The following POLA1 variants were observed in gnomAD, a reference collection of about 807,000 sequenced individuals.
POLA1 encodes DNA polymerase alpha catalytic subunit.
A neutral mutation model predicts 124.0 loss-of-function variants in POLA1; 15 were observed. The ratio of observed to expected loss-of-function variants is 0.12; its 90% CI spans 0.08 to 0.19. The LOEUF (loss-of-function observed/expected upper bound fraction) is 0.19, where lower values mean the gene tolerates loss of function less well. Ranked by LOEUF, POLA1 falls within the 10% of genes least tolerant of loss-of-function variation. The probability of loss-of-function intolerance (pLI) is 1.00; values close to 1 mark genes in which losing one functional copy is unlikely to be tolerated. For synonymous variants in POLA1, 408 were observed against 389.4 expected, an observed-to-expected ratio of 1.05 and a Z score of -0.56; for missense variants, 886 against 1,103.4, an observed-to-expected ratio of 0.80 and a Z score of 2.79.
At chrX:24,902,341 A>G (rs1368326557) in intron 35 of POLA1, among the ~76,000 whole-genome samples, 1 of 111,807 alleles carries the variant, frequency 8.9e-6, no homozygotes, top group African/African-American at 3.3e-5. Context: ...CTTCGAAGGT[A>G]GAGGATTTGG....
chrX:24,924,799 G>A (rs2047667351), intron 35 of POLA1, among the ~76,000 whole-genome samples: 1 of 111,852 alleles, frequency 8.9e-6, no homozygotes, highest in African/African-American at 3.2e-5. Context: ...CTTGGGTAAG[G>A]GTGTGGAGGA....
intron 26 of POLA1, among the ~76,000 whole-genome samples, chrX:24,786,084 A>C (rs2045355651): frequency 8.9e-6 from 1 of 112,481 alleles, no homozygotes; most frequent in Non-Finnish European, 1.9e-5. Context: ...GTGTGTATAC[A>C]TCCCACATTT....
intron 34 of POLA1, among the ~76,000 whole-genome samples, chrX:24,849,058 A>G (rs2046512966): frequency 8.8e-6 from 1 of 113,351 alleles, no homozygotes; most frequent in South Asian, 3.6e-4. Context: ...GTAGAATCAC[A>G]GGTATATTAG....
intron 11 of POLA1, among the ~76,000 whole-genome samples, chrX:24,723,881 A>G (rs1930363204): frequency 8.9e-6 from 1 of 112,200 alleles, no homozygotes; most frequent in Non-Finnish European, 1.9e-5. Flanking sequence ...GGGTTTCACC[A>G]TGTTGATCAG....
rs193144902 is a variant in POLA1, at chrX:24,907,653, G to C, written c.4164+19531G>C. 2.7e-5 allele frequency among the ~76,000 whole-genome samples: 3 copies of C among 112,001 alleles called. No homozygotes were observed. In the East Asian group the frequency reaches 8.4e-4, roughly 31 times the overall value. On this transcript the variant is annotated intron_variant, in intron 35 of 36. Coordinates refer to ENST00000379068, the MANE Select transcript of POLA1 (RefSeq NM_001330360.2). ...CAAAAAATACTCTTCAGGAGTAAAA[G>C]TGAAAGAAAGACATTCTCAGATGAG... is the stretch of plus-strand genomic sequence containing the variant.
At chrX:24,727,732 T>C (rs1482511301) in intron 14 of POLA1, 50 bp from the exon 15 acceptor site, 1 of 1,053,092 alleles carries the variant, frequency 9.5e-7, no homozygotes, top group Non-Finnish European at 1.3e-6. Context: ...TATAGTAGTT[T>C]TTCTTTTTCA....
intron 35 of POLA1, among the ~76,000 whole-genome samples, chrX:24,914,135 T>C (rs1480256675): frequency 9.1e-6 from 1 of 110,221 alleles, no homozygotes; most frequent in African/African-American, 3.3e-5. Context: ...GGCGGGAGGA[T>C]CGCTTGAGAC....
intron 22 of POLA1, among the ~76,000 whole-genome samples, chrX:24,742,917 A>G (rs975441023): frequency 7.1e-5 from 8 of 112,350 alleles, no homozygotes; most frequent in African/African-American, 9.7e-5. Context: ...CAAATTTTAT[A>G]TAACATGAAA....
intron 26 of POLA1, among the ~76,000 whole-genome samples, chrX:24,779,386 A>C (rs2045214566): frequency 8.9e-6 from 1 of 112,271 alleles, no homozygotes; most frequent in Admixed American, 9.4e-5. Flanking sequence ...CTAGACATTG[A>C]TTTCTAACCT....
At chrX:24,946,608 C>T (rs777019647) in intron 36 of POLA1, among the ~76,000 whole-genome samples, 1 of 111,608 alleles carries the variant, frequency 9.0e-6, no homozygotes, top group East Asian at 2.8e-4. Flanking sequence ...AACCTCAACC[C>T]AGTCTCTGTT....
chrX:24,757,595 A>G (rs1030050789), intron 26 of POLA1, among the ~76,000 whole-genome samples: 4 of 108,552 alleles, frequency 3.7e-5, no homozygotes, highest in African/African-American at 1.4e-4. Flanking sequence ...GCCCGCCACC[A>G]TGCCCGGCTA....
intron 26 of POLA1, among the ~76,000 whole-genome samples, chrX:24,798,183 CTTTG>C (rs1316562935): frequency 8.9e-6 from 1 of 111,991 alleles, no homozygotes; most frequent in African/African-American, 3.2e-5. Context: ...TCAACTTGAT[CTTTG>C]TTTGATTTAA....
intron 34 of POLA1, among the ~76,000 whole-genome samples, chrX:24,881,577 C>G (rs1245840179): frequency 9.0e-6 from 1 of 111,466 alleles, no homozygotes; most frequent in African/African-American, 3.3e-5. Flanking sequence ...GATTGTGAAC[C>G]TTTGTGGTAG....
intron 34 of POLA1, among the ~76,000 whole-genome samples, chrX:24,855,581 A>T (rs952175205): frequency 1.8e-5 from 2 of 112,050 alleles, no homozygotes; most frequent in African/African-American, 6.5e-5. Context: ...TTGGAGGAAA[A>T]TTCTAACATT....
At chrX:24,723,870 A>G (rs577261687) in intron 11 of POLA1, among the ~76,000 whole-genome samples, 1 of 112,214 alleles carries the variant, frequency 8.9e-6, no homozygotes, top group Non-Finnish European at 1.9e-5. Context: ...TAGTAGATAC[A>G]GGGTTTCACC....
chrX:24,741,497 A>T lies in POLA1; in HGVS notation c.2339A>T (p.Asn780Ile). 1 of 1,202,796 alleles carries T rather than the reference A, an allele frequency of 8.3e-7. No individual in the cohort carries two copies. The highest frequency in any genetic ancestry group is 1.1e-6 in the Non-Finnish European group (1 of 888,076). Residue 780 changes from asparagine to isoleucine, a missense_variant, in exon 21 of 37, where the codon AAC becomes ATC. Around this residue, in one of 7 missense-constraint regions of POLA1, gnomAD observed 182 missense variants for 252.8 expected, o/e 0.72. Transcript: ENST00000379068. The part of the protein sequence containing the change: ...LALQITNIAG[N>I]IMSRTLMGGR... ...TTGCAGATCACTAACATCGCTGGGAACATTATGGTAAATTTAACTTAGAAA... is the reference window on the plus strand; with the variant it reads ...TTGCAGATCACTAACATCGCTGGGATCATTATGGTAAATTTAACTTAGAAA...
At chrX:24,841,494 A>G (rs1444905753) in intron 32 of POLA1, among the ~76,000 whole-genome samples, 158 bp from the exon 33 acceptor site, 1 of 112,555 alleles carries the variant, frequency 8.9e-6, no homozygotes, top group African/African-American at 3.2e-5. Flanking sequence ...TTTATAAAGT[A>G]TCTCTTGTAA....
intron 36 of POLA1, among the ~76,000 whole-genome samples, chrX:24,991,827 G>A (rs1319349489): frequency 1.8e-5 from 2 of 112,496 alleles, no homozygotes; most frequent in African/African-American, 3.2e-5. Context: ...CTGGATAGTG[G>A]ACTAACAGAC....
intron 32 of POLA1, among the ~76,000 whole-genome samples, chrX:24,832,424 T>C (rs2046276921): frequency 8.9e-6 from 1 of 112,053 alleles, no homozygotes; most frequent in South Asian, 3.8e-4. Context: ...GTAGTGACAC[T>C]GCTCATCTCA....
Sources: allele counts gnomAD v4.1 joint callset (sites outside exome capture counted in the v4.1 genomes callset), GRCh38; gene constraint gnomAD v4.1.1; regional missense constraint gnomAD v4.1.1; transcripts MANE v1.5; gene names NCBI Gene and HGNC (gene_info 2026-07-23, HGNC 2026-07-21).